The following VPS26A variants were observed in gnomAD, a reference collection of about 807,000 sequenced individuals.
VPS26A encodes the protein VPS26 retromer complex component A, also known as vacuolar protein sorting-associated protein 26A.
Under a neutral mutation model 42.4 loss-of-function variants are expected in VPS26A, and 22 were observed. That is an observed-to-expected ratio of 0.52 (90% confidence interval 0.37 to 0.74). The LOEUF (loss-of-function observed/expected upper bound fraction) is 0.74, where lower values mean the gene tolerates loss of function less well. Among genes scored for constraint, VPS26A ranks in the 30% least tolerant of loss-of-function variants. The pLI, the probability that VPS26A is intolerant of heterozygous loss-of-function variation, is 0.00. For missense variants in VPS26A, 276 were observed against 379.2 expected, an observed-to-expected ratio of 0.73 and a Z score of 2.26; for synonymous variants, 110 against 123.5, an observed-to-expected ratio of 0.89 and a Z score of 0.73.
chr10:69,141,438 C>A (rs190228971), intron 2 of VPS26A, among the ~76,000 whole-genome samples: 1 of 152,286 alleles, frequency 6.6e-6, no homozygotes, highest in African/African-American at 2.4e-5. Flanking sequence ...CATTAAAATG[C>A]CCCATCCTAG....
intron 2 of VPS26A, among the ~76,000 whole-genome samples, chr10:69,138,181 A>G (rs1376231050): frequency 6.6e-6 from 1 of 152,154 alleles, no homozygotes; most frequent in Non-Finnish European, 1.5e-5. Flanking sequence ...TCAATATTGT[A>G]GCATTTGTTA....
rs776313365 is a variant in VPS26A at position 69,171,252 on chromosome 10, G to T, written c.967G>T (p.Glu323Ter). 6.2e-7 allele frequency: 1 copy of T among 1,613,194 alleles called. No homozygotes were observed. Among genetic ancestry groups the T allele is most frequent in the South Asian group, 1.1e-5 (1 of 90,826 alleles). ...ATCTCCAGAATCACAGGCATCTGCC[G>T]AACAGCCTGAAATGTGAACTGAACA... is the stretch of plus-strand genomic sequence containing the variant. The part of the protein sequence containing the change: ...FESPESQASA[E>*]QPEM Residue 323 changes from glutamate (E) to a stop codon, truncating the protein, a stop_gained, in exon 9 of 9, where the codon GAA becomes TAA. Coordinates refer to ENST00000263559, the MANE Select transcript of VPS26A (RefSeq NM_004896.5). LOFTEE classifies it high-confidence loss of function.
At chr10:69,167,556 A>G (rs969987980) in intron 7 of VPS26A, among the ~76,000 whole-genome samples, 2 of 152,182 alleles carry the variant, frequency 1.3e-5, no homozygotes, top group East Asian at 1.9e-4. Flanking sequence ...CCTGGCCAAC[A>G]TGGTGAAACC....
At chr10:69,148,754 ATTTTT>A (rs34136399) in intron 2 of VPS26A, among the ~76,000 whole-genome samples, 2 of 133,752 alleles carry the variant, frequency 1.5e-5, no homozygotes, top group Non-Finnish European at 3.2e-5. Flanking sequence ...AGCAGAGAGT[ATTTTT>A]TTTTTTTTTT....
At chr10:69,140,546 A>G (rs1031451259) in intron 2 of VPS26A, among the ~76,000 whole-genome samples, 1 of 150,638 alleles carries the variant, frequency 6.6e-6, no homozygotes, top group Non-Finnish European at 1.5e-5. Context: ...TATTATTATT[A>G]TTATTTTTGG....
rs538499901 is a variant in VPS26A, at chr10:69,171,451, A to G, written c.*182A>G. On this transcript the variant is annotated 3_prime_UTR_variant, in exon 9 of 9. Transcript: ENST00000263559. ...GATATAATGAAATGTTCGTTCATGT[A>G]TATACATTTTTAAAAGTGCTTTCTT... The G allele has an allele frequency of 7.5e-4, 353 of 472,544 alleles. 1 individual carries two copies. The highest frequency in any genetic ancestry group is 2.6e-3 in the East Asian group (69 of 26,500). The allele number at this position is 472,544 out of a possible 1,614,324, so 29.3% of individuals were successfully genotyped here.
chr10:69,163,910 C>A (rs1055936371), intron 6 of VPS26A, among the ~76,000 whole-genome samples: 15 of 151,108 alleles, frequency 9.9e-5, no homozygotes, highest in Non-Finnish European at 1.9e-4. Flanking sequence ...GGACTACAGG[C>A]GCCCACCATC....
intron 2 of VPS26A, chr10:69,133,673 G>A: frequency 8.7e-7 from 1 of 1,154,898 alleles, no homozygotes; most frequent in Non-Finnish European, 1.1e-6. Context: ...GGTTTTTTGG[G>A]TTTTTTGTTT....
At chr10:69,136,782 GTTATTTATTTAT>G (rs373863330) in intron 2 of VPS26A, among the ~76,000 whole-genome samples, 7 of 151,234 alleles carry the variant, frequency 4.6e-5, no homozygotes, top group African/African-American at 1.7e-4. Context: ...GGCCTGTTTT[GTTATTTATTTAT>G]TTATTTATTT....
chr10:69,149,367 C>T (rs1279402527), intron 2 of VPS26A, among the ~76,000 whole-genome samples: 1 of 152,036 alleles, frequency 6.6e-6, no homozygotes, highest in Non-Finnish European at 1.5e-5. Flanking sequence ...GAGGTACAGT[C>T]TATAAACTGT....
chr10:69,173,218 A>G lies in VPS26A; in HGVS notation c.*1949A>G, dbSNP rs1169326307. Reference sequence around the variant, plus strand: ...TCTTTAATGAAGAGTTACAATGTCTAATCCATTGGTTCTCAACCCTGGCTG... The same window carrying G: ...TCTTTAATGAAGAGTTACAATGTCTGATCCATTGGTTCTCAACCCTGGCTG... On this transcript the variant is annotated 3_prime_UTR_variant, in exon 9 of 9. Transcript: ENST00000263559. 1.3e-5 allele frequency among the ~76,000 whole-genome samples: 2 copies of G among 152,224 alleles called. No individual in the cohort carries two copies. The highest frequency in any genetic ancestry group is 2.9e-5 in the Non-Finnish European group (2 of 68,040).
chr10:69,136,827 T>C (rs1019326661), intron 2 of VPS26A, among the ~76,000 whole-genome samples: 5 of 151,000 alleles, frequency 3.3e-5, no homozygotes, highest in African/African-American at 1.2e-4. Context: ...AGTCTCGCTC[T>C]GTTGCCCAGG....
At chr10:69,163,057 C>T (rs1841596359) in intron 6 of VPS26A, among the ~76,000 whole-genome samples, 2 of 152,220 alleles carry the variant, frequency 1.3e-5, no homozygotes, top group African/African-American at 4.8e-5. Flanking sequence ...CTTCGCTTTG[C>T]CACTTAGTAG....
At chr10:69,126,188 C>T (rs1840649195) in intron 1 of VPS26A, among the ~76,000 whole-genome samples, 1 of 152,104 alleles carries the variant, frequency 6.6e-6, no homozygotes, top group Non-Finnish European at 1.5e-5. Flanking sequence ...TCACGGGGTG[C>T]GGTGGCTCAC....
At chr10:69,167,311 A>G (rs897790490) in intron 7 of VPS26A, among the ~76,000 whole-genome samples, 1 of 151,752 alleles carries the variant, frequency 6.6e-6, no homozygotes, top group Middle Eastern at 3.2e-3. Flanking sequence ...TGCACCTATG[A>G]TCCCAGCTAC....
intron 2 of VPS26A, among the ~76,000 whole-genome samples, chr10:69,152,903 G>C (rs191117178): frequency 2.6e-4 from 40 of 151,522 alleles, no homozygotes; most frequent in African/African-American, 9.4e-4. Flanking sequence ...CTGGAAGGCA[G>C]AGCTTGCAGT....
intron 1 of VPS26A, among the ~76,000 whole-genome samples, chr10:69,131,460 C>T (rs1401985430): frequency 1.3e-5 from 2 of 151,452 alleles, no homozygotes; most frequent in Admixed American, 6.6e-5. Context: ...CTGGGCCGGG[C>T]GCGGTGGCTC....
chr10:69,163,839 C>T (rs2132234808), intron 6 of VPS26A, among the ~76,000 whole-genome samples: 1 of 149,122 alleles, frequency 6.7e-6, no homozygotes, highest in South Asian at 2.1e-4. Context: ...AATCTCGGCT[C>T]ACTGCAAGCT....
intron 2 of VPS26A, among the ~76,000 whole-genome samples, chr10:69,142,448 C>A (rs1841066309): frequency 6.6e-6 from 1 of 151,900 alleles, no homozygotes. Flanking sequence ...CCAACCTTGA[C>A]CTCCCAAAGT....
Sources: gnomAD v4.1 joint callset for allele counts (sites outside exome capture counted in the v4.1 genomes callset) on GRCh38, gnomAD v4.1.1 for gene constraint, MANE v1.5 for transcripts, NCBI Gene and HGNC (gene_info 2026-07-23, HGNC 2026-07-21) for gene names.